SMAP1: variants seen among roughly 807,000 people sequenced by gnomAD.
SMAP1 encodes the protein small ArfGAP 1.
A neutral mutation model predicts 58.5 loss-of-function variants in SMAP1; 24 were observed. The observed-to-expected ratio is 0.41, with a 90% confidence interval of 0.30 to 0.58. The LOEUF (loss-of-function observed/expected upper bound fraction) is 0.58, where lower values mean the gene tolerates loss of function less well. Among genes scored for constraint, SMAP1 ranks in the 20% least tolerant of loss-of-function variants. The probability of loss-of-function intolerance (pLI) is 0.29; values close to 1 mark genes in which losing one functional copy is unlikely to be tolerated. For missense variants in SMAP1, 563 were observed against 566.3 expected (o/e 0.99, Z 0.06); for synonymous variants, 216 against 196.6 (o/e 1.10, Z -0.82).
At chr6:70,719,502 G>A (rs1041223143) in intron 1 of SMAP1, among the ~76,000 whole-genome samples, 1 of 152,048 alleles carries the variant, frequency 6.6e-6, no homozygotes, top group Admixed American at 6.6e-5. Flanking sequence ...TTATATATGT[G>A]TACAAACACA....
chr6:70,786,043 A>G (rs1445635538), intron 4 of SMAP1, among the ~76,000 whole-genome samples: 9 of 152,266 alleles, frequency 5.9e-5, no homozygotes, highest in Non-Finnish European at 1.3e-4. Context: ...CATACATGCA[A>G]AAATTCTCAA....
At chr6:70,740,376 T>C (rs554378915) in intron 2 of SMAP1, among the ~76,000 whole-genome samples, 1 of 151,494 alleles carries the variant, frequency 6.6e-6, no homozygotes, top group South Asian at 2.1e-4. Flanking sequence ...CTGGCCAATA[T>C]GGCAAAATGC....
rs76637140 is a variant in SMAP1, at chr6:70,765,483, A to C, written c.339-7867A>C. Among the ~76,000 whole-genome samples the C allele has an allele frequency of 3.6e-3, 543 of 152,314 alleles. 13 individuals carry two copies. Among genetic ancestry groups the C allele is most frequent in the Admixed American group, 0.027 (408 of 15,300 alleles). ...GAAGACTAGTAAAAACAAGTGAGAT[A>C]ATTATTTACCCAATTTTTAGTGAAT... is the stretch of plus-strand genomic sequence containing the variant. On this transcript the variant is annotated intron_variant, in intron 3 of 10. Coordinates refer to ENST00000370455, the MANE Select transcript of SMAP1 (RefSeq NM_001044305.3).
chr6:70,755,356 A>G (rs952346681), intron 3 of SMAP1, among the ~76,000 whole-genome samples: 3 of 152,050 alleles, frequency 2.0e-5, no homozygotes, highest in African/African-American at 4.8e-5. Flanking sequence ...CCACTTCATG[A>G]TGGTGAGAAA....
intron 6 of SMAP1, among the ~76,000 whole-genome samples, chr6:70,820,433 C>T (rs374744408): frequency 2.0e-5 from 3 of 152,146 alleles, no homozygotes; most frequent in African/African-American, 4.8e-5. Flanking sequence ...TTATTTAGGC[C>T]GGGTGCAATG....
intron 1 of SMAP1, among the ~76,000 whole-genome samples, chr6:70,689,018 TAGAC>T (rs1767047007): frequency 6.6e-6 from 1 of 152,106 alleles, no homozygotes; most frequent in Admixed American, 6.5e-5. Flanking sequence ...TGAGAACATT[TAGAC>T]AGAGTCTTAC....
intron 1 of SMAP1, among the ~76,000 whole-genome samples, chr6:70,690,353 C>G (rs1767108555): frequency 6.6e-6 from 1 of 151,986 alleles, no homozygotes; most frequent in East Asian, 1.9e-4. Context: ...GTTGCCCAGG[C>G]TGGAGTGCAG....
At chr6:70,780,985 A>G (rs1333903274) in intron 4 of SMAP1, among the ~76,000 whole-genome samples, 2 of 152,236 alleles carry the variant, frequency 1.3e-5, no homozygotes, top group Non-Finnish European at 2.9e-5. Flanking sequence ...ACCACTTGCA[A>G]TATAAGCTAT....
At chr6:70,849,686 A>G (rs527563759) in intron 7 of SMAP1, among the ~76,000 whole-genome samples, 176 of 152,320 alleles carry the variant, frequency 1.2e-3, no homozygotes, top group Admixed American at 1.4e-3. Flanking sequence ...TATAAAGAAG[A>G]CTATTTTTGT....
At chr6:70,837,089 G>C in intron 7 of SMAP1, 61 bp downstream of exon 7, 1 of 1,263,352 alleles carries the variant, frequency 7.9e-7, no homozygotes, top group South Asian at 1.6e-5. Context: ...CCTTTACTTG[G>C]AGTGAATATA....
At chr6:70,770,544 C>T (rs1363322993) in intron 3 of SMAP1, among the ~76,000 whole-genome samples, 4 of 152,182 alleles carry the variant, frequency 2.6e-5, no homozygotes, top group Admixed American at 6.5e-5. Context: ...ATTGCATCGG[C>T]TCCTGAGGTT....
chr6:70,731,230 TTTAC>T (rs1438790052), intron 1 of SMAP1, among the ~76,000 whole-genome samples: 1 of 152,256 alleles, frequency 6.6e-6, no homozygotes, highest in Non-Finnish European at 1.5e-5. Flanking sequence ...TTTTTCCATT[TTTAC>T]TTTATTAATT....
At chr6:70,833,252 TGAA>T (rs1354691427) in intron 6 of SMAP1, among the ~76,000 whole-genome samples, 1 of 152,164 alleles carries the variant, frequency 6.6e-6, no homozygotes, top group Non-Finnish European at 1.5e-5. Context: ...CAATTATCAG[TGAA>T]GAAGAGTATC....
intron 8 of SMAP1, 127 bp from the exon 9 acceptor site, chr6:70,856,732 G>A: frequency 2.2e-6 from 2 of 904,072 alleles, no homozygotes; most frequent in Non-Finnish European, 3.2e-6. Flanking sequence ...CTCTTGAATG[G>A]CACCATTTTA....
intron 7 of SMAP1, among the ~76,000 whole-genome samples, chr6:70,843,978 T>A (rs1457854904): frequency 6.6e-6 from 1 of 152,138 alleles, no homozygotes; most frequent in Non-Finnish European, 1.5e-5. Flanking sequence ...ACAGTAGGAC[T>A]CCTGCTGGGT....
chr6:70,787,855 C>T (rs1047572910), intron 4 of SMAP1, among the ~76,000 whole-genome samples: 5 of 149,272 alleles, frequency 3.3e-5, no homozygotes, highest in African/African-American at 1.2e-4. Flanking sequence ...GTTGTTGGGA[C>T]TGTACACTAG....
chr6:70,709,153 A>T (rs1582039036), intron 1 of SMAP1, among the ~76,000 whole-genome samples: 1 of 151,202 alleles, frequency 6.6e-6, no homozygotes. Flanking sequence ...AGTTTTCCCA[A>T]CCCCATTTGT....
At chr6:70,713,241 T>G (rs1008936578) in intron 1 of SMAP1, among the ~76,000 whole-genome samples, 1 of 152,234 alleles carries the variant, frequency 6.6e-6, no homozygotes, top group African/African-American at 2.4e-5. Flanking sequence ...TTGATTTTTT[T>G]TCCTGTGGTT....
At chr6:70,763,197 A>G (rs1267170011) in intron 3 of SMAP1, among the ~76,000 whole-genome samples, 2 of 147,288 alleles carry the variant, frequency 1.4e-5, no homozygotes, top group Non-Finnish European at 3.0e-5. Flanking sequence ...CCAACAACAC[A>G]TGTTTACTTT....
Sources: allele counts gnomAD v4.1 joint callset (sites outside exome capture counted in the v4.1 genomes callset), GRCh38; gene constraint gnomAD v4.1.1; transcripts MANE v1.5; gene names NCBI Gene and HGNC (gene_info 2026-07-23, HGNC 2026-07-21).